Variants in COLQ observed in about 807,000 individuals in gnomAD.
COLQ encodes acetylcholinesterase collagenic tail peptide.
COLQ carries 48 observed loss-of-function variants against 69.0 expected under a neutral mutation model. The observed-to-expected ratio is 0.70, with a 90% CI of 0.55 to 0.88. The LOEUF (loss-of-function observed/expected upper bound fraction) is 0.88, where lower values mean the gene tolerates loss of function less well. Ranked by LOEUF, COLQ falls within the 40% of genes least tolerant of loss-of-function variation. The probability of loss-of-function intolerance (pLI) is 0.00; values close to 1 mark genes in which losing one functional copy is unlikely to be tolerated. For missense variants in COLQ, 618 were observed against 594.6 expected, an observed-to-expected ratio of 1.04 and a Z score of -0.41; for synonymous variants, 217 against 211.2, an observed-to-expected ratio of 1.03 and a Z score of -0.24.
chr3:15,474,828 A>T (rs2062351118), intron 8 of COLQ, 97 bp downstream of exon 8: 4 of 1,411,038 alleles, frequency 2.8e-6, no homozygotes, highest in Non-Finnish European at 4.0e-6. Flanking sequence ...TCAGTTGCAG[A>T]CTAAAGAGAG....
chr3:15,458,907 G>T (rs1048529077), intron 12 of COLQ, among the ~76,000 whole-genome samples: 7 of 150,900 alleles, frequency 4.6e-5, no homozygotes, highest in Admixed American at 4.6e-4. Context: ...GCAGTGGCAC[G>T]ATCTTGGCTC....
intron 6 of COLQ, among the ~76,000 whole-genome samples, chr3:15,475,841 A>C (rs942603243): frequency 6.6e-5 from 10 of 152,328 alleles, no homozygotes; most frequent in Middle Eastern, 6.8e-3. Flanking sequence ...ACAAGGTGTC[A>C]ATACACGCAA....
chr3:15,477,755 T>C (rs3773448), intron 5 of COLQ, among the ~76,000 whole-genome samples: 59,707 of 152,002 alleles, frequency 0.39, 11,812 homozygotes, highest in East Asian at 0.49. Flanking sequence ...CTTTGGGCAG[T>C]TGACACTCTC....
chr3:15,488,646 T>G (rs988822081), intron 2 of COLQ, among the ~76,000 whole-genome samples: 2 of 152,154 alleles, frequency 1.3e-5, no homozygotes, highest in Non-Finnish European at 2.9e-5. Flanking sequence ...CACTGTAATT[T>G]TAAATTGTCT....
chr3:15,497,036 C>CTTTTTTTTTTT (rs371974104), intron 1 of COLQ, among the ~76,000 whole-genome samples: 1 of 107,530 alleles, frequency 9.3e-6, no homozygotes, highest in Non-Finnish European at 1.8e-5. Flanking sequence ...GTCCTTTTGC[C>CTTTTTTTTTTT]TTTTTTTTTT....
rs112673051 is a variant in COLQ at position 15,470,599 on chromosome 3, T to C, written c.654A>G (p.Lys218=). ...MLGQKGEMGP[K]GEPGIAGHRG... is the part of the protein sequence containing the mutation. ...GGTGTCCTGCTATCCCAGGTTCACC[T>C]TTTGGACCCATTTCACCCTGGAAAG... The change falls in exon 11 of 17, where the codon AAA becomes AAG. Residue 218 remains lysine, a synonymous_variant. Transcript: ENST00000383788. The C allele has an allele frequency of 3.0e-5, 49 of 1,614,074 alleles. No homozygotes were observed. In the African/African-American group the frequency reaches 4.8e-4, roughly 16 times the overall value.
chr3:15,477,957 G>C (rs1324335730), intron 5 of COLQ, among the ~76,000 whole-genome samples: 1 of 152,248 alleles, frequency 6.6e-6, no homozygotes, highest in Non-Finnish European at 1.5e-5. Context: ...CTGCAAGAGA[G>C]AGTGGGTGCA....
At chr3:15,488,729 T>C (rs1050284536) in intron 2 of COLQ, among the ~76,000 whole-genome samples, 1 of 152,240 alleles carries the variant, frequency 6.6e-6, no homozygotes, top group Non-Finnish European at 1.5e-5. Context: ...ATACTTTCTT[T>C]AACCCAACAA....
chr3:15,470,341 T>A (rs1017849659), intron 11 of COLQ, among the ~76,000 whole-genome samples, 195 bp downstream of exon 11: 2 of 152,160 alleles, frequency 1.3e-5, no homozygotes, highest in African/African-American at 4.8e-5. Context: ...TCCTATCCCA[T>A]CCACTTCAAA....
chr3:15,461,709 C>G (rs546235554), intron 12 of COLQ, among the ~76,000 whole-genome samples: 12 of 152,142 alleles, frequency 7.9e-5, no homozygotes, highest in Non-Finnish European at 1.6e-4. Flanking sequence ...CATCACTTCT[C>G]TTTGAGGTTC....
chr3:15,509,605 T>C (rs2062956731), intron 1 of COLQ, among the ~76,000 whole-genome samples: 1 of 152,192 alleles, frequency 6.6e-6, no homozygotes, highest in African/African-American at 2.4e-5. Context: ...CCCCTCAAAG[T>C]ACAACAGTAA....
rs2062630556 is a variant in COLQ at position 15,489,625 on chromosome 3, A to G, written c.119T>C (p.Leu40Pro). The change falls in exon 2 of 17, where the codon CTG becomes CCG. Residue 40 changes from leucine to proline, a missense_variant. Physicochemically the swap from Leu to Pro is moderately conservative, Grantham distance 98. Coordinates refer to ENST00000383788, the MANE Select transcript of COLQ (RefSeq NM_005677.4). ...GTGGCCACCACGCTTCTTCTGATCCAGGCTGGGAAGGGCTGTTCAGAGAAA... is the reference window on the plus strand; with the variant it reads ...GTGGCCACCACGCTTCTTCTGATCCGGGCTGGGAAGGGCTGTTCAGAGAAA... ...VLPISAALPSLDQKKRGGHKA... is the reference protein window; with the variant it reads ...VLPISAALPSPDQKKRGGHKA... 1 of 1,614,042 alleles carries G rather than the reference A, an allele frequency of 6.2e-7. No individual in the cohort carries two copies. The highest frequency in any genetic ancestry group is 8.5e-7 in the Non-Finnish European group (1 of 1,179,918).
intron 1 of COLQ, 65 bp downstream of exon 1, chr3:15,521,455 C>T: frequency 6.2e-7 from 1 of 1,604,208 alleles, no homozygotes; most frequent in Non-Finnish European, 8.5e-7. Context: ...CATTGCAAAA[C>T]AATCTTCCTT....
intron 15 of COLQ, 102 bp downstream of exon 15, chr3:15,455,797 T>A: frequency 6.6e-7 from 1 of 1,518,766 alleles, no homozygotes; most frequent in Non-Finnish European, 9.0e-7. Context: ...TCTCTGGCTC[T>A]AGAAAGGTCC....
chr3:15,465,966 A>G (rs1268201843), intron 12 of COLQ, among the ~76,000 whole-genome samples: 1 of 152,084 alleles, frequency 6.6e-6, no homozygotes, highest in African/African-American at 2.4e-5. Context: ...ATTGGAAAAA[A>G]CCTGCAATGT....
chr3:15,498,523 G>A (rs1413190667), intron 1 of COLQ: 6 of 1,551,564 alleles, frequency 3.9e-6, no homozygotes, highest in Non-Finnish European at 4.4e-6. Context: ...CAAGCAGCCT[G>A]CCGAGTAACA....
chr3:15,485,963 A>G (rs2062565943), intron 3 of COLQ, among the ~76,000 whole-genome samples: 1 of 152,160 alleles, frequency 6.6e-6, no homozygotes, highest in South Asian at 2.1e-4. Flanking sequence ...CTCTCTTCCC[A>G]ATAATAATAA....
chr3:15,498,876 G>T, intron 1 of COLQ: 2 of 1,366,038 alleles, frequency 1.5e-6, no homozygotes, highest in East Asian at 2.9e-5. Flanking sequence ...AGGATATGAG[G>T]TTGGGAGCCC....
At chr3:15,458,396 C>T (rs912264700) in intron 12 of COLQ, 71 bp from the exon 13 acceptor site, 42 of 1,569,626 alleles carry the variant, frequency 2.7e-5, no homozygotes, top group Admixed American at 5.0e-5. Context: ...GAGATGTGAG[C>T]GACCTTTGCA....
Sources: allele counts gnomAD v4.1 joint callset (sites outside exome capture counted in the v4.1 genomes callset), GRCh38; gene constraint gnomAD v4.1.1; transcripts MANE v1.5; gene names NCBI Gene and HGNC (gene_info 2026-07-23, HGNC 2026-07-21).